SRFBP1: variants seen among roughly 807,000 people sequenced by gnomAD.
The protein encoded by SRFBP1 is serum response factor-binding protein 1.
SRFBP1 carries 47 observed loss-of-function variants against 45.5 expected under a neutral mutation model. That is an observed-to-expected ratio of 1.03 (90% CI 0.82 to 1.32). The LOEUF (loss-of-function observed/expected upper bound fraction) is 1.32, where lower values mean the gene tolerates loss of function less well. Ranked by LOEUF, SRFBP1 falls within the 40% of genes most tolerant of loss-of-function variation. SRFBP1 has a pLI of 0.00. For missense variants in SRFBP1, 621 were observed against 484.6 expected (o/e 1.28, Z -2.64); for synonymous variants, 203 against 166.3 (o/e 1.22, Z -1.70).
intron 1 of SRFBP1, among the ~76,000 whole-genome samples, chr5:121,973,255 A>G (rs1429431680): frequency 6.6e-6 from 1 of 151,776 alleles, no homozygotes; most frequent in East Asian, 1.9e-4. Flanking sequence ...TGCTTTAATG[A>G]CAGAATCTGT....
intron 4 of SRFBP1, among the ~76,000 whole-genome samples, chr5:122,009,084 A>G (rs541985952): frequency 6.6e-6 from 1 of 152,294 alleles, no homozygotes; most frequent in South Asian, 2.1e-4. Flanking sequence ...TTAAAGTTGT[A>G]TTGCTAGTCT....
chr5:122,029,810 G>A (rs1413870628), downstream of SRFBP1, among the ~76,000 whole-genome samples: 2 of 152,108 alleles, frequency 1.3e-5, no homozygotes. Context: ...TAATATAGAA[G>A]GGCAAATCCA....
chr5:122,014,853 T>C (rs1479120796), intron 4 of SRFBP1, among the ~76,000 whole-genome samples: 1 of 152,212 alleles, frequency 6.6e-6, no homozygotes, highest in Non-Finnish European at 1.5e-5. Context: ...TAGCTAACTC[T>C]GGAAAGAAAT....
At chr5:122,009,204 C>T (rs371908979) in intron 4 of SRFBP1, among the ~76,000 whole-genome samples, 6 of 151,914 alleles carry the variant, frequency 3.9e-5, no homozygotes, top group African/African-American at 7.3e-5. Flanking sequence ...TTTTATGTAG[C>T]GCCTGGTTTT....
intron 3 of SRFBP1, among the ~76,000 whole-genome samples, chr5:121,983,411 A>G (rs1456649440): frequency 6.6e-6 from 1 of 151,734 alleles, no homozygotes; most frequent in African/African-American, 2.4e-5. Context: ...TGCCAGGAAC[A>G]ATTTTGATGT....
In SRFBP1 at chr5:121,962,013, A is replaced by G. The variant is rs773118852; in HGVS notation, c.-20A>G. 2 of 1,612,692 alleles carry G rather than the reference A, an allele frequency of 1.2e-6. No individual in the cohort carries two copies. Among genetic ancestry groups the G allele is most frequent in the East Asian group, 2.2e-5 (1 of 44,858 alleles). ...CCGGTTCACGTGCAGGCAGCGGCGGATCATATTCCTTCATCTACCATGGCT... is the reference window on the plus strand; with the variant it reads ...CCGGTTCACGTGCAGGCAGCGGCGGGTCATATTCCTTCATCTACCATGGCT... On this transcript the variant is annotated 5_prime_UTR_variant, in exon 1 of 8. Transcript: ENST00000339397.
chr5:122,077,166 T>A, downstream of SRFBP1: 3 of 1,463,046 alleles, frequency 2.1e-6, no homozygotes, highest in Non-Finnish European at 2.7e-6. This position sits in a 1 kb window ranked among gnomAD's most constrained non-coding sequence, Gnocchi z 4.9. Context: ...TGCAAAGCAA[T>A]GTGAAAAGGA....
chr5:122,075,688 T>A (rs1181873007), downstream of SRFBP1: 1 of 500,324 alleles, frequency 2.0e-6, no homozygotes, highest in Non-Finnish European at 3.3e-6. Flanking sequence ...ATTTTGTTTC[T>A]TTTTGTTCAT....
At chr5:122,078,021 AC>A (rs1199765052), downstream of SRFBP1, 3 of 1,434,478 alleles carry the variant, frequency 2.1e-6, no homozygotes, top group Non-Finnish European at 2.7e-6. Flanking sequence ...CTCGAGGAGG[AC>A]GTGGCTCACA....
At chr5:122,008,516 A>G (rs986740733) in intron 4 of SRFBP1, among the ~76,000 whole-genome samples, 2 of 152,148 alleles carry the variant, frequency 1.3e-5, no homozygotes, top group Non-Finnish European at 2.9e-5. Flanking sequence ...GGGTTGGGGA[A>G]GGGGTAACTT....
At chr5:122,043,903 T>C (rs193027272) in intron 2 of SRFBP1, among the ~76,000 whole-genome samples, 2 of 152,216 alleles carry the variant, frequency 1.3e-5, no homozygotes, top group Admixed American at 6.5e-5. Flanking sequence ...GTTTGTTATA[T>C]AGTTAATCTC....
At chr5:122,008,172 T>C (rs1753016624) in intron 4 of SRFBP1, among the ~76,000 whole-genome samples, 2 of 151,848 alleles carry the variant, frequency 1.3e-5, no homozygotes, top group South Asian at 4.2e-4. Flanking sequence ...CCCTGAAGCC[T>C]AGGGCTGGCC....
intron 2 of SRFBP1, among the ~76,000 whole-genome samples, chr5:122,071,212 T>C (rs1006851554): frequency 9.9e-5 from 15 of 151,980 alleles, no homozygotes; most frequent in Admixed American, 1.3e-4. Flanking sequence ...TGTGTGTGTG[T>C]GTGTGTGTAT....
intron 2 of SRFBP1, chr5:122,066,063 T>C (rs1754291807): frequency 6.6e-6 from 1 of 152,092 alleles, no homozygotes; most frequent in South Asian, 2.1e-4. Context: ...ACTTAATTTG[T>C]TCCAAAACAA....
At chr5:122,054,955 G>A (rs1163939075) in intron 2 of SRFBP1, among the ~76,000 whole-genome samples, 1 of 152,154 alleles carries the variant, frequency 6.6e-6, no homozygotes, top group Non-Finnish European at 1.5e-5. Context: ...TGGGTCAGGT[G>A]ACTTATTGAA....
intron 1 of SRFBP1, among the ~76,000 whole-genome samples, chr5:121,970,918 A>C (rs925774039): frequency 5.3e-5 from 8 of 152,134 alleles, no homozygotes; most frequent in African/African-American, 1.9e-4. Context: ...TACCAATTAA[A>C]GGTACTTGTG....
At position 122,027,419 on chromosome 5, in the gene SRFBP1, T is replaced by TC. The variant is rs898828406; in HGVS notation, c.*293_*294insC. On this transcript the variant is annotated 3_prime_UTR_variant, in exon 8 of 8. Coordinates refer to ENST00000339397, the MANE Select transcript of SRFBP1 (RefSeq NM_152546.3). ...TAGAATGTTTGTTTTTGTATTTTTT[T>TC]TTAAAGTAAATTCAACTTACGCTTA... 10 of 186,126 alleles carry TC rather than the reference T, an allele frequency of 5.4e-5. No homozygotes were observed. The highest frequency in any genetic ancestry group is 1.2e-4 in the Admixed American group (2 of 16,748). The allele number at this position is 186,126 out of a possible 1,614,324, so 11.5% of individuals were successfully genotyped here. A position where few individuals can be genotyped will look rare whatever the true frequency, so the allele number is the denominator to read the frequency against.
intron 4 of SRFBP1, among the ~76,000 whole-genome samples, chr5:122,018,190 A>T (rs1027075199): frequency 6.6e-6 from 1 of 152,244 alleles, no homozygotes; most frequent in Admixed American, 6.5e-5. Context: ...AGCTTAAAGA[A>T]GAACAGATAT....
intron 2 of SRFBP1, among the ~76,000 whole-genome samples, chr5:122,039,666 T>C (rs908232180): frequency 7.9e-5 from 12 of 152,136 alleles, no homozygotes; most frequent in African/African-American, 2.9e-4. Context: ...TGGTGAAGTT[T>C]CTATTTGCTG....
Sources: gnomAD v4.1 joint callset for allele counts (sites outside exome capture counted in the v4.1 genomes callset) on GRCh38, gnomAD v4.1.1 for gene constraint, Gnocchi (gnomAD v3.1) non-coding constraint, MANE v1.5 for transcripts, NCBI Gene and HGNC (gene_info 2026-07-23, HGNC 2026-07-21) for gene names.